CEP295: variants seen among roughly 807,000 people sequenced by gnomAD.
The protein encoded by CEP295 is centrosomal protein of 295 kDa.
In CEP295, 190 loss-of-function variants were observed where a neutral mutation model predicts 291.6. That is an observed-to-expected ratio of 0.65 (90% confidence interval 0.58 to 0.73). The LOEUF is 0.73. CEP295 is among the 30% of genes least tolerant of loss of function. The pLI is 0.00. For synonymous variants in CEP295, 993 were observed against 1,038.8 expected (o/e 0.96, Z 0.85); for missense variants, 2,863 against 2,949.4 (o/e 0.97, Z 0.68).
intron 10 of CEP295, among the ~76,000 whole-genome samples, chr11:93,690,399 A>G (rs990108069): frequency 6.6e-6 from 1 of 152,104 alleles, no homozygotes; most frequent in African/African-American, 2.4e-5. Flanking sequence ...TACTAAAAAT[A>G]CTAAAAAGTA....
At chr11:93,677,154 A>T (rs1433284615) in intron 6 of CEP295, among the ~76,000 whole-genome samples, 3 of 152,160 alleles carry the variant, frequency 2.0e-5, no homozygotes, top group African/African-American at 7.2e-5. Flanking sequence ...CTTTCAAGAT[A>T]AAATTACCTC....
At chr11:93,682,132 GC>G in intron 7 of CEP295, among the ~76,000 whole-genome samples, 1 of 151,752 alleles carries the variant, frequency 6.6e-6, no homozygotes, top group East Asian at 1.9e-4. Context: ...TCAGGACATG[GC>G]AAAAAAAATT....
rs1951575267 is a variant in CEP295 at position 93,691,947 on chromosome 11, A to G, written c.1450A>G (p.Ile484Val). ...CCTAGAAATAAATGAGACTCTGCCT[A>G]TCACAACTGTAGCTCAGAGTTCAGT... Reference protein sequence around the residue: ...KEQEINETLPITTVAQSSVLL... With the variant: ...KEQEINETLPVTTVAQSSVLL... The change falls in exon 12 of 30, where the codon ATC (isoleucine) becomes GTC (valine). Residue 484 changes from isoleucine to valine, a missense_variant. By Grantham distance (29) the Ile-to-Val change is conservative (BLOSUM62 3). Around this residue, in one of 3 missense-constraint regions of CEP295, gnomAD observed 554 missense variants for 576.0 expected, o/e 0.96. Transcript: ENST00000325212. The G allele has an allele frequency of 1.9e-6, 3 of 1,544,264 alleles. No homozygotes were observed. The highest frequency in any genetic ancestry group is 2.6e-6 in the Non-Finnish European group (3 of 1,141,358).
chr11:93,667,583 A>G, intron 2 of CEP295, 24 bp from the exon 3 acceptor site: 1 of 1,500,990 alleles, frequency 6.7e-7, no homozygotes, highest in Non-Finnish European at 8.9e-7. Flanking sequence ...CTTTCATATA[A>G]CCTGTTAAAT....
intron 19 of CEP295, 164 bp from the exon 20 acceptor site, chr11:93,721,787 AATC>A (rs1953747688): frequency 4.1e-6 from 3 of 729,714 alleles, no homozygotes; most frequent in Non-Finnish European, 7.5e-6. Context: ...ATGAAAGCCT[AATC>A]ATTTCTGGGC....
rs1471778759 is a variant in CEP295 at position 93,699,416 on chromosome 11, C to T, written c.4504C>T (p.His1502Tyr). 1.3e-6 allele frequency: 2 copies of T among 1,551,622 alleles called. No homozygotes were observed. Among genetic ancestry groups the T allele is most frequent in the African/African-American group, 1.4e-5 (1 of 73,044 alleles). Residue 1502 changes from histidine to tyrosine, a missense_variant, in exon 15 of 30, where the codon CAT becomes TAT. By Grantham distance (83) the His-to-Tyr change is moderately conservative. Around this residue, in one of 3 missense-constraint regions of CEP295, gnomAD observed 2,295 missense variants for 2,335.7 expected, o/e 0.98. Coordinates refer to ENST00000325212, the MANE Select transcript of CEP295 (RefSeq NM_033395.2). ...VSSEHFIQSH[H>Y]GDLQALQQQL... The stretch of plus-strand genomic sequence containing the variant: ...TTCTGAGCATTTTATCCAGTCTCAC[C>T]ATGGTGATTTGCAGGCACTTCAACA...
In CEP295 at chr11:93,696,869, T is replaced by G. The variant is rs1332143283; in HGVS notation, c.1957T>G (p.Leu653Val). 6.4e-7 allele frequency: 1 copy of G among 1,551,744 alleles called. No homozygotes were observed. The highest frequency in any genetic ancestry group is 8.7e-7 in the Non-Finnish European group (1 of 1,147,002). Residue 653 changes from leucine (L) to valine (V), a missense_variant, in exon 15 of 30, where the codon TTG becomes GTG. This residue lies in a region of CEP295 where 2,295 missense variants were observed against 2,335.7 expected (regional missense o/e 0.98). Coordinates refer to ENST00000325212, the MANE Select transcript of CEP295 (RefSeq NM_033395.2). The stretch of plus-strand genomic sequence containing the variant: ...TTGGGATCAAGGTCAGAGACTCAAG[T>G]TGAGTCCTAACAAATACCAACCCAT... ...EHWDQGQRLKLSPNKYQPIQP... is the reference protein window; with the variant it reads ...EHWDQGQRLKVSPNKYQPIQP...
intron 10 of CEP295, among the ~76,000 whole-genome samples, chr11:93,690,729 CAAAAAA>C (rs10608060): frequency 4.4e-5 from 3 of 68,364 alleles, no homozygotes; most frequent in Admixed American, 1.9e-4. Flanking sequence ...GACTCCGTCT[CAAAAAA>C]AAAAAAAAAA....
In CEP295 at chr11:93,687,761, G is replaced by A; in HGVS notation, c.1232G>A (p.Ser411Asn). 1.9e-6 allele frequency: 3 copies of A among 1,551,170 alleles called. No homozygotes were observed. Among genetic ancestry groups the A allele is most frequent in the Non-Finnish European group, 2.6e-6 (3 of 1,146,594 alleles). Residue 411 changes from serine to asparagine, a missense_variant, in exon 10 of 30, where the codon AGT (serine) becomes AAT (asparagine). Transcript: ENST00000325212. ...ATTAAATCTATGTCTGAGGATGAAA[G>A]TGAAATGATTACGACTGTTAGTGAA... is the stretch of plus-strand genomic sequence containing the variant. Reference protein sequence around the residue: ...WTIKSMSEDESEMITTVSEIE... With the variant: ...WTIKSMSEDENEMITTVSEIE...
chr11:93,700,903 A>G (rs1952116352), intron 15 of CEP295, among the ~76,000 whole-genome samples: 1 of 152,120 alleles, frequency 6.6e-6, no homozygotes, highest in African/African-American at 2.4e-5. Context: ...CTCAAGTGAC[A>G]CTATTATGGT....
At chr11:93,706,951 A>G (rs1952549476) in intron 18 of CEP295, 54 bp downstream of exon 18, 6 of 1,373,090 alleles carry the variant, frequency 4.4e-6, no homozygotes, top group Non-Finnish European at 5.8e-6. Context: ...TGGACAAAAG[A>G]TATTTATTAT....
At chr11:93,672,321 A>T (rs938709024) in intron 5 of CEP295, among the ~76,000 whole-genome samples, 3 of 152,212 alleles carry the variant, frequency 2.0e-5, no homozygotes, top group African/African-American at 7.2e-5. Flanking sequence ...TGAAGTTTGT[A>T]TTGAAAACCC....
At chr11:93,695,770 G>T (rs933424324) in intron 13 of CEP295, 136 bp downstream of exon 13, 1 of 1,006,126 alleles carries the variant, frequency 9.9e-7, no homozygotes, top group Non-Finnish European at 1.4e-6. Flanking sequence ...CAGCACTTTG[G>T]GTGGCCGAGA....
intron 18 of CEP295, among the ~76,000 whole-genome samples, chr11:93,717,145 A>T (rs538808113): frequency 1.4e-4 from 22 of 151,884 alleles, no homozygotes; most frequent in Middle Eastern, 3.4e-3. Flanking sequence ...ATTTCTCTTT[A>T]ATTTTATTTT....
At chr11:93,667,390 A>G (rs553593081) in intron 2 of CEP295, among the ~76,000 whole-genome samples, 1 of 152,294 alleles carries the variant, frequency 6.6e-6, no homozygotes, top group Non-Finnish European at 1.5e-5. Context: ...AATAAAAGCT[A>G]TCAGTTTGGA....
intron 24 of CEP295, chr11:93,728,077 A>G (rs1250602825): frequency 1.9e-5 from 3 of 158,608 alleles, no homozygotes; most frequent in Non-Finnish European, 2.8e-5. Flanking sequence ...CATTATTGGA[A>G]TAAGTATTGG....
intron 23 of CEP295, among the ~76,000 whole-genome samples, chr11:93,726,112 TTTTTTG>T (rs1265042596): frequency 8.0e-5 from 12 of 150,772 alleles, no homozygotes; most frequent in Non-Finnish European, 1.0e-4. Flanking sequence ...TTTGTTTGTT[TTTTTTG>T]TTTTTGTTTT....
At chr11:93,729,553 A>G (rs370511500) in intron 26 of CEP295, 23 bp downstream of exon 26, 2 of 1,549,614 alleles carry the variant, frequency 1.3e-6, no homozygotes, top group African/African-American at 2.7e-5. Flanking sequence ...CGGCCTCCAC[A>G]CTTCTAATGG....
chr11:93,665,814 A>G (rs1356739605), intron 1 of CEP295, among the ~76,000 whole-genome samples: 2 of 152,226 alleles, frequency 1.3e-5, no homozygotes, highest in Non-Finnish European at 2.9e-5. Flanking sequence ...TTTACTGTAG[A>G]TTATAGAACA....
Sources: gnomAD v4.1 joint callset for allele counts (sites outside exome capture counted in the v4.1 genomes callset) on GRCh38, gnomAD v4.1.1 for gene constraint, gnomAD v4.1.1 regional missense constraint, MANE v1.5 for transcripts, NCBI Gene and HGNC (gene_info 2026-07-23, HGNC 2026-07-21) for gene names.